CHIC2: variants seen among roughly 807,000 people sequenced by gnomAD.
The protein encoded by CHIC2 is cysteine-rich hydrophobic domain-containing protein 2.
CHIC2 carries 14 observed loss-of-function variants against 25.9 expected under a neutral mutation model. The observed-to-expected ratio is 0.54, with a 90% CI of 0.36 to 0.85. The LOEUF is 0.85. CHIC2 is among the 40% of genes least tolerant of loss of function. The probability of loss-of-function intolerance (pLI) is 0.01; values close to 1 mark genes in which losing one functional copy is unlikely to be tolerated. For missense variants in CHIC2, 146 were observed against 202.0 expected (o/e 0.72, Z 1.68); for synonymous variants, 70 against 72.0 (o/e 0.97, Z 0.14).
intron 1 of CHIC2, among the ~76,000 whole-genome samples, chr4:54,057,817 T>C (rs1717220393): frequency 3.3e-5 from 5 of 152,118 alleles, no homozygotes; most frequent in Admixed American, 1.3e-4. Flanking sequence ...AACCCAAGCA[T>C]CAAAACCCAA....
intron 1 of CHIC2, among the ~76,000 whole-genome samples, chr4:54,058,191 A>C (rs927274708): frequency 1.3e-5 from 2 of 152,232 alleles, no homozygotes; most frequent in South Asian, 2.1e-4. Flanking sequence ...AATAACCAAA[A>C]AAATGTGCAT....
intron 3 of CHIC2, among the ~76,000 whole-genome samples, chr4:54,038,268 G>A (rs780206127): frequency 7.2e-5 from 11 of 152,148 alleles, no homozygotes; most frequent in Non-Finnish European, 1.2e-4. Flanking sequence ...AAGTGAATTT[G>A]GCAAGGTTGA....
At chr4:54,037,794 A>C (rs1716440709) in intron 3 of CHIC2, among the ~76,000 whole-genome samples, 1 of 152,150 alleles carries the variant, frequency 6.6e-6, no homozygotes, top group Non-Finnish European at 1.5e-5. Flanking sequence ...GGTTAAACAA[A>C]CTTCTTGATA....
the CHIC2 span, among the ~76,000 whole-genome samples, chr4:54,082,437 TC>T: frequency 6.6e-6 from 1 of 152,080 alleles, no homozygotes; most frequent in Non-Finnish European, 1.5e-5. Context: ...GTTGACTCAG[TC>T]AGAAAACATC....
At chr4:54,070,390 T>TTATA in the CHIC2 span, among the ~76,000 whole-genome samples, 1 of 136,884 alleles carries the variant, frequency 7.3e-6, no homozygotes, top group East Asian at 2.0e-4. Context: ...TATTATTTAT[T>TTATA]TATTTATTTA....
intron 3 of CHIC2, among the ~76,000 whole-genome samples, chr4:54,030,778 C>T (rs531893186): frequency 6.6e-6 from 1 of 151,144 alleles, no homozygotes; most frequent in Non-Finnish European, 1.5e-5. Context: ...AGTGATTCTC[C>T]TGCCTCAGCC....
intron 1 of CHIC2, among the ~76,000 whole-genome samples, chr4:54,054,603 T>C (rs1012464487): frequency 6.6e-6 from 1 of 151,954 alleles, no homozygotes; most frequent in African/African-American, 2.4e-5. Context: ...CTAGAGAGAG[T>C]AGTCTGTTAC....
At chr4:54,085,762 C>T in the CHIC2 span, among the ~76,000 whole-genome samples, 1 of 152,168 alleles carries the variant, frequency 6.6e-6, no homozygotes, top group Non-Finnish European at 1.5e-5. Flanking sequence ...CTCAGGGCCA[C>T]TGGATTTAGA....
At chr4:54,070,799 A>G in the CHIC2 span, among the ~76,000 whole-genome samples, 1 of 152,134 alleles carries the variant, frequency 6.6e-6, no homozygotes, top group Non-Finnish European at 1.5e-5. Context: ...CCAGCCTGTT[A>G]TTCTGTAAAT....
the CHIC2 span, among the ~76,000 whole-genome samples, chr4:54,082,198 A>G: frequency 6.6e-6 from 1 of 152,262 alleles, no homozygotes; most frequent in Non-Finnish European, 1.5e-5. Flanking sequence ...ATGGATCTCA[A>G]AAATGAGCAA....
At chr4:54,081,278 C>T in the CHIC2 span, among the ~76,000 whole-genome samples, 1 of 151,798 alleles carries the variant, frequency 6.6e-6, no homozygotes. Flanking sequence ...GCACACACCA[C>T]TGTGCCTGGC....
intron 3 of CHIC2, among the ~76,000 whole-genome samples, chr4:54,024,276 C>T (rs1715993094): frequency 6.6e-6 from 1 of 152,234 alleles, no homozygotes; most frequent in Non-Finnish European, 1.5e-5. Context: ...TAAAACCTCT[C>T]ATTTCCTTTC....
chr4:54,022,359 C>T (rs1715928409), intron 3 of CHIC2, among the ~76,000 whole-genome samples: 1 of 152,036 alleles, frequency 6.6e-6, no homozygotes. Context: ...AGGGTAAGTC[C>T]GTCTCCTTCT....
chr4:54,045,471 C>T (rs1716753435), intron 3 of CHIC2, among the ~76,000 whole-genome samples: 1 of 152,130 alleles, frequency 6.6e-6, no homozygotes, highest in African/African-American at 2.4e-5. Context: ...GGGCTTCATC[C>T]CTGGGATGCA....
chr4:54,011,197 C>A (rs1424473999), intron 5 of CHIC2, among the ~76,000 whole-genome samples: 1 of 152,082 alleles, frequency 6.6e-6, no homozygotes, highest in Non-Finnish European at 1.5e-5. Flanking sequence ...AATTAGCTGT[C>A]TGGGCCAGGA....
chr4:54,045,777 A>C (rs1223194566), intron 3 of CHIC2, among the ~76,000 whole-genome samples: 2 of 152,110 alleles, frequency 1.3e-5, no homozygotes, highest in East Asian at 3.8e-4. Context: ...CATATTCAAC[A>C]TAGTGTTGGA....
intron 5 of CHIC2, among the ~76,000 whole-genome samples, chr4:54,012,839 C>T (rs1402220881): frequency 6.6e-6 from 1 of 151,908 alleles, no homozygotes; most frequent in Non-Finnish European, 1.5e-5. Flanking sequence ...TTTTTATGTT[C>T]AAGGCTAGAA....
chr4:54,080,859 A>G, the CHIC2 span, among the ~76,000 whole-genome samples: 3 of 149,196 alleles, frequency 2.0e-5, no homozygotes, highest in Non-Finnish European at 4.5e-5. Flanking sequence ...GATCTTAAGT[A>G]TTCTCACCAC....
chr4:54,063,498 A>T (rs1040794987), intron 1 of CHIC2, among the ~76,000 whole-genome samples: 21 of 152,238 alleles, frequency 1.4e-4, no homozygotes, highest in Admixed American at 1.2e-3. Flanking sequence ...ACAAGCCCCA[A>T]GTTCGTGCCC....
Sources: gnomAD v4.1 joint callset for allele counts (sites outside exome capture counted in the v4.1 genomes callset) on GRCh38, gnomAD v4.1.1 for gene constraint, MANE v1.5 for transcripts, NCBI Gene and HGNC (gene_info 2026-07-23, HGNC 2026-07-21) for gene names.